The following TRERF1 variants were observed in gnomAD, a reference collection of about 807,000 sequenced individuals.
The protein encoded by TRERF1 is transcriptional-regulating factor 1.
Under a neutral mutation model 122.9 loss-of-function variants are expected in TRERF1, and 27 were observed. The ratio of observed to expected loss-of-function variants is 0.22; its 90% CI spans 0.16 to 0.30. The LOEUF (loss-of-function observed/expected upper bound fraction) is 0.30. Among genes scored for constraint, TRERF1 ranks in the 10% least tolerant of loss-of-function variants. The pLI is 1.00. For synonymous variants in TRERF1, 636 were observed against 641.7 expected (o/e 0.99, Z 0.13); for missense variants, 1,248 against 1,560.3 (o/e 0.80, Z 3.37).
intron 3 of TRERF1, among the ~76,000 whole-genome samples, chr6:42,311,590 C>T (rs925652320): frequency 6.6e-5 from 10 of 151,758 alleles, no homozygotes; most frequent in East Asian, 1.9e-4. Flanking sequence ...TGATGAAACC[C>T]CGTCTCTACT....
chr6:42,253,246 A>G (rs1447126846), intron 13 of TRERF1, among the ~76,000 whole-genome samples: 3 of 152,226 alleles, frequency 2.0e-5, no homozygotes, highest in African/African-American at 4.8e-5. Context: ...GCTGTATCCC[A>G]GATGACGCTG....
chr6:42,349,244 C>G (rs916300999), intron 3 of TRERF1, among the ~76,000 whole-genome samples: 5 of 152,004 alleles, frequency 3.3e-5, no homozygotes, highest in Admixed American at 6.6e-5. Context: ...AACTCAATTC[C>G]AGACCTTTGG....
chr6:42,261,422 G>A (rs1777847359), intron 8 of TRERF1, among the ~76,000 whole-genome samples: 2 of 152,164 alleles, frequency 1.3e-5, no homozygotes, highest in Admixed American at 1.3e-4. Context: ...AGCCACCCAG[G>A]ATGTCATATA....
chr6:42,233,520 T>C lies in TRERF1; in HGVS notation c.3067-628A>G, dbSNP rs545252832. The stretch of plus-strand genomic sequence containing the variant: ...CAGGATGGTCTCGATCTCCTGACCT[T>C]GTGATCTGCCCGCCTTGGCCTCCCA... On this transcript the variant is annotated intron_variant, in intron 16 of 17. Coordinates refer to ENST00000372922, the Ensembl canonical transcript of TRERF1. Among the ~76,000 whole-genome samples the C allele has an allele frequency of 3.1e-3, 476 of 152,022 alleles. 1 individual carries two copies. The highest frequency in any genetic ancestry group is 8.9e-3 in the African/African-American group (368 of 41,472).
chr6:42,433,746 G>A (rs1419365325), intron 2 of TRERF1, among the ~76,000 whole-genome samples: 1 of 152,146 alleles, frequency 6.6e-6, no homozygotes. Flanking sequence ...GGCCAGGCAT[G>A]GTGGCTCACA....
intron 3 of TRERF1, among the ~76,000 whole-genome samples, chr6:42,334,557 A>G (rs182043592): frequency 1.3e-5 from 2 of 152,342 alleles, no homozygotes; most frequent in East Asian, 1.9e-4. Context: ...CAAATCCTCT[A>G]TCTAGGCCTG....
intron 3 of TRERF1, among the ~76,000 whole-genome samples, chr6:42,340,496 C>G (rs1767059202): frequency 6.6e-6 from 1 of 152,086 alleles, no homozygotes; most frequent in African/African-American, 2.4e-5. Flanking sequence ...TAGCATTTTC[C>G]CCCCGTATTA....
intron 2 of TRERF1, among the ~76,000 whole-genome samples, chr6:42,383,325 G>A (rs1776268895): frequency 6.6e-6 from 1 of 151,882 alleles, no homozygotes; most frequent in African/African-American, 2.4e-5. Context: ...CTGACTTCTG[G>A]GACACTGTGT....
chr6:42,368,387 C>A (rs1773149698), intron 2 of TRERF1, among the ~76,000 whole-genome samples: 1 of 152,016 alleles, frequency 6.6e-6, no homozygotes, highest in Non-Finnish European at 1.5e-5. Context: ...GCAGTGGTTT[C>A]CTCGCCCCCC....
chr6:42,320,963 C>G (rs116636682), intron 3 of TRERF1, among the ~76,000 whole-genome samples: 1 of 152,014 alleles, frequency 6.6e-6, no homozygotes, highest in African/African-American at 2.4e-5. Flanking sequence ...CTCCAGCGCT[C>G]AAATATTATG....
intron 2 of TRERF1, among the ~76,000 whole-genome samples, chr6:42,417,982 G>A (rs1782091573): frequency 6.6e-6 from 1 of 152,130 alleles, no homozygotes; most frequent in Admixed American, 6.5e-5. Context: ...TCATACCACA[G>A]CACTAGGGTT....
At chr6:42,392,931 TACACACACAC>T (rs58784390) in intron 2 of TRERF1, among the ~76,000 whole-genome samples, 2 of 148,106 alleles carry the variant, frequency 1.4e-5, no homozygotes, top group African/African-American at 5.0e-5. Flanking sequence ...TACACACACA[TACACACACAC>T]ACACACACAC....
intron 3 of TRERF1, among the ~76,000 whole-genome samples, chr6:42,358,515 G>A (rs943476014): frequency 6.6e-6 from 1 of 152,226 alleles, no homozygotes. Flanking sequence ...CTGACACCTG[G>A]AGGGCAAATG....
rs992284578 is a variant in TRERF1 at position 42,236,494 on chromosome 6, G to A, written c.2860-83C>T. ...TGAACAGAACTCACAGATCAACAGA[G>A]GAGAGAGGGGCAGGATGCTGGCGCT... On this transcript the variant is annotated intron_variant, in intron 15 of 17. Transcript: ENST00000372922. 12 of 1,498,196 alleles carry A rather than the reference G, an allele frequency of 8.0e-6. No homozygotes were observed. The African/African-American group carries it at 1.3e-4, about 16-fold the overall frequency. The allele number at this position is 1,498,196 out of a possible 1,614,324, so 92.8% of individuals were successfully genotyped here.
At chr6:42,353,012 C>G (rs1029990301) in intron 3 of TRERF1, among the ~76,000 whole-genome samples, 1 of 152,094 alleles carries the variant, frequency 6.6e-6, no homozygotes, top group African/African-American at 2.4e-5. Flanking sequence ...AATGCCTTAG[C>G]TTTCCCAGGC....
At chr6:42,340,608 T>G (rs1767085845) in intron 3 of TRERF1, among the ~76,000 whole-genome samples, 1 of 152,068 alleles carries the variant, frequency 6.6e-6, no homozygotes, top group Non-Finnish European at 1.5e-5. Flanking sequence ...TTTATTTTAT[T>G]TATTTATTTT....
chr6:42,291,451 T>TAAAAAA (rs35745800), intron 4 of TRERF1, among the ~76,000 whole-genome samples: 1 of 125,236 alleles, frequency 8.0e-6, no homozygotes. Flanking sequence ...CACTTTACAC[T>TAAAAAA]AAAAAAAAAA....
At chr6:42,312,408 A>G (rs1761824999) in intron 3 of TRERF1, among the ~76,000 whole-genome samples, 1 of 152,216 alleles carries the variant, frequency 6.6e-6, no homozygotes, top group African/African-American at 2.4e-5. Flanking sequence ...AGAGTTTCCG[A>G]AGATTCAAGG....
intron 3 of TRERF1, among the ~76,000 whole-genome samples, chr6:42,328,756 C>T (rs986557917): frequency 6.6e-6 from 1 of 152,136 alleles, no homozygotes; most frequent in Admixed American, 6.5e-5. Context: ...AAAAAAATCC[C>T]TACAGCACTG....
Sources: allele counts gnomAD v4.1 joint callset (sites outside exome capture counted in the v4.1 genomes callset), GRCh38; gene constraint gnomAD v4.1.1; transcripts MANE v1.5; gene names NCBI Gene and HGNC (gene_info 2026-07-23, HGNC 2026-07-21).